PMS2: variants seen among roughly 807,000 people sequenced by gnomAD.
The protein encoded by PMS2 is PMS1 homolog 2, mismatch repair system component.
Under a neutral mutation model 90.0 loss-of-function variants are expected in PMS2, and 69 were observed. The ratio of observed to expected loss-of-function variants is 0.77; its 90% CI spans 0.63 to 0.94. The LOEUF is 0.94. PMS2 is among the 40% of genes least tolerant of loss of function. The pLI, the probability that PMS2 is intolerant of heterozygous loss-of-function variation, is 0.00. For missense variants in PMS2, 966 were observed against 1,040.2 expected (o/e 0.93, Z 0.98); for synonymous variants, 332 against 375.1 (o/e 0.89, Z 1.33).
chr7:5,976,099 T>C lies in PMS2; in HGVS notation c.2445+1489A>G, dbSNP rs1329252413. 1.4e-5 allele frequency among the ~76,000 whole-genome samples: 2 copies of C among 142,794 alleles called. 1 individual carries two copies. Among genetic ancestry groups the C allele is most frequent in the East Asian group, 5.8e-4 (2 of 3,454 alleles). 93.7% of individuals were successfully genotyped at this position (142,794 alleles called of 152,430 possible). A position where few individuals can be genotyped will look rare whatever the true frequency, so the allele number is the denominator to read the frequency against. On this transcript the variant is annotated intron_variant, in intron 14 of 14. Transcript: ENST00000265849. ...ATTAAAAATATAAAAATTAGCCAGG[T>C]GTGGTGGGTGCCTGTAGTCCCAGCT...
intron 11 of PMS2, among the ~76,000 whole-genome samples, chr7:5,984,412 T>A (rs1196913468): frequency 1.3e-5 from 2 of 151,626 alleles, no homozygotes. Context: ...CCGGTGAAAA[T>A]GGATTTTCCG....
At chr7:5,988,408 A>T (rs1419133690) in intron 10 of PMS2, among the ~76,000 whole-genome samples, 1 of 152,088 alleles carries the variant, frequency 6.6e-6, no homozygotes, top group Non-Finnish European at 1.5e-5. Context: ...CAAAAAAAAA[A>T]TTAGCAGGGC....
At chr7:6,001,147 C>A (rs191263300) in intron 5 of PMS2, among the ~76,000 whole-genome samples, 1 of 152,214 alleles carries the variant, frequency 6.6e-6, no homozygotes, top group East Asian at 1.9e-4. Context: ...GATCTCACAT[C>A]CAAGGATAAC....
intron 9 of PMS2, among the ~76,000 whole-genome samples, chr7:5,991,583 T>G (rs889227979): frequency 2.0e-5 from 3 of 150,978 alleles, no homozygotes; most frequent in Non-Finnish European, 4.4e-5. Flanking sequence ...CTCATGCCTG[T>G]AATCCCAGCA....
intron 10 of PMS2, among the ~76,000 whole-genome samples, chr7:5,988,539 G>A (rs1783340685): frequency 6.6e-6 from 1 of 152,112 alleles, no homozygotes; most frequent in South Asian, 2.1e-4. Context: ...CTCCAGCCTG[G>A]GCGACAGAGT....
At chr7:6,008,911 C>A in intron 1 of PMS2, 86 bp downstream of exon 1, 1 of 1,510,884 alleles carries the variant, frequency 6.6e-7, no homozygotes, top group Admixed American at 1.7e-5. Context: ...GGCCATGTTC[C>A]CCCCATTTCC....
chr7:5,995,931 G>C (rs1370205244), intron 7 of PMS2, among the ~76,000 whole-genome samples: 1 of 152,142 alleles, frequency 6.6e-6, no homozygotes, highest in African/African-American at 2.4e-5. Flanking sequence ...CTCAGCCTCT[G>C]TAAGTGGGTC....
At chr7:6,007,993 A>AGGATTACAGGCTCCCGCCATCATGCCC (rs1786044660) in intron 1 of PMS2, among the ~76,000 whole-genome samples, 1 of 151,576 alleles carries the variant, frequency 6.6e-6, no homozygotes, top group Admixed American at 6.6e-5. Flanking sequence ...CAAAGTAGCT[A>AGGATTACAGGCTCCCGCCATCATGCCC]GGATTACAGG....
chr7:5,998,250 T>G (rs1239780548), intron 6 of PMS2, among the ~76,000 whole-genome samples: 6 of 151,238 alleles, frequency 4.0e-5, no homozygotes, highest in African/African-American at 1.5e-4. Context: ...AACAGATAAT[T>G]TTTGTATTTT....
chr7:5,996,222 T>C (rs1181606263), intron 7 of PMS2, among the ~76,000 whole-genome samples: 1 of 151,926 alleles, frequency 6.6e-6, no homozygotes, highest in Non-Finnish European at 1.5e-5. Context: ...GAGTAAGAAA[T>C]ATAGATCTCA....
At chr7:5,997,445 T>A in intron 6 of PMS2, 22 bp from the exon 7 acceptor site, 1 of 1,147,814 alleles carries the variant, frequency 8.7e-7, no homozygotes, top group Non-Finnish European at 1.3e-6. Context: ...AAAAAAAAAT[T>A]CACAGTTACT....
rs587780042 is a variant in PMS2 at position 6,005,928 on chromosome 7, C to G, written c.127G>C (p.Val43Leu). 1.2e-6 allele frequency: 2 copies of G among 1,610,884 alleles called. No individual in the cohort carries two copies. The highest frequency in any genetic ancestry group is 1.3e-5 in the African/African-American group (1 of 74,982). The stretch of plus-strand genomic sequence containing the variant: ...GCACCAGCATCCAGACTGTTTTCTA[C>G]TAACTCCTTTACCGCAGTGCTTAGA... Reference protein sequence around the residue: ...LSLSTAVKELVENSLDAGATN... With the variant: ...LSLSTAVKELLENSLDAGATN... The change falls in exon 2 of 15, where the codon GTA (valine) becomes CTA (leucine). Residue 43 changes from valine (V) to leucine (L), a missense_variant. This residue lies in a region of PMS2 where 871 missense variants were observed against 802.4 expected (regional missense o/e 1.09). Coordinates refer to ENST00000265849, the MANE Select transcript of PMS2 (RefSeq NM_000535.7).
At chr7:5,999,583 G>C (rs987173755) in intron 5 of PMS2, among the ~76,000 whole-genome samples, 1 of 151,986 alleles carries the variant, frequency 6.6e-6, no homozygotes, top group Admixed American at 6.6e-5. Flanking sequence ...TTGAGACCAG[G>C]AGTTCAAGAC....
In PMS2 at chr7:5,995,614, G is replaced by C. The variant is rs587780062; in HGVS notation, c.823C>G (p.Gln275Glu). 44 of 1,612,770 alleles carry C rather than the reference G, an allele frequency of 2.7e-5. No homozygotes were observed. The highest frequency in any genetic ancestry group is 2.2e-5 in the East Asian group (1 of 44,896). ...NLFYISGFIS[Q>E]CTHGVGRSST... The stretch of plus-strand genomic sequence containing the variant: ...CTCCTTCCAACTCCATGCGTGCATT[G>C]TGAAATGAAACCTGAGATGCTATTC... The change falls in exon 8 of 15, where the codon CAA becomes GAA. Residue 275 changes from glutamine (Q) to glutamate (E), a missense_variant. Physicochemically the swap from Gln to Glu is conservative, Grantham distance 29. This residue lies in a region of PMS2 where 871 missense variants were observed against 802.4 expected (regional missense o/e 1.09). Coordinates refer to ENST00000265849, the MANE Select transcript of PMS2 (RefSeq NM_000535.7).
chr7:6,008,865 C>G (rs1786216393), intron 1 of PMS2, 132 bp downstream of exon 1: 1 of 1,140,594 alleles, frequency 8.8e-7, no homozygotes, highest in Non-Finnish European at 1.3e-6. Flanking sequence ...GGTCGCCACT[C>G]CGGGGCCTCC....
rs1554303922 is a variant in PMS2, at chr7:6,002,511, T to C, written c.479A>G (p.Gln160Arg). The C allele has an allele frequency of 5.0e-6, 8 of 1,611,720 alleles. No individual in the cohort carries two copies. Among genetic ancestry groups the C allele is most frequent in the Admixed American group, 1.7e-5 (1 of 59,996 alleles). The change falls in exon 5 of 15, where the codon CAG (glutamine) becomes CGG (arginine). Residue 160 changes from glutamine to arginine, a missense_variant. By Grantham distance (43) the Gln-to-Arg change is conservative. Transcript: ENST00000265849. The stretch of plus-strand genomic sequence containing the variant: ...CACAGGTAGTGTGGAAAATAACTGC[T>C]GCACGCTGACTGTGGTCCCTCTGGG... Reference protein sequence around the residue: ...PRPRGTTVSVQQLFSTLPVRH... With the variant: ...PRPRGTTVSVRQLFSTLPVRH...
In PMS2 at chr7:5,997,434, A is replaced by C. The variant is rs1185117521; in HGVS notation, c.706-11T>G. The C allele has an allele frequency of 6.6e-7, 1 of 1,508,150 alleles. No homozygotes were observed. The highest frequency in any genetic ancestry group is 1.4e-5 in the African/African-American group (1 of 72,472). 93.4% of individuals were successfully genotyped at this position (1,508,150 alleles called of 1,614,324 possible). On this transcript the variant is annotated splice_polypyrimidine_tract_variant and intron_variant, in intron 6 of 14. Coordinates refer to ENST00000265849, the MANE Select transcript of PMS2 (RefSeq NM_000535.7). ...AATGAGGCTTTGCAACTGAAAAAAA[A>C]AAAAAAAAATTCACAGTTACTTCCT...
intron 8 of PMS2, among the ~76,000 whole-genome samples, chr7:5,994,945 A>G (rs1008979892): frequency 3.3e-5 from 5 of 152,200 alleles, no homozygotes; most frequent in Admixed American, 3.3e-4. Context: ...TTTATTGAAT[A>G]CTATACCGAA....
rs540326025 is a variant in PMS2, at chr7:5,992,349, C to T, written c.904-292G>A. Among the ~76,000 whole-genome samples, 5 of 149,418 alleles carry T rather than the reference C, an allele frequency of 3.3e-5. No homozygotes were observed. The East Asian group carries it at 7.9e-4, about 23-fold the overall frequency. On this transcript the variant is annotated intron_variant, in intron 8 of 14. Coordinates refer to ENST00000265849, the MANE Select transcript of PMS2 (RefSeq NM_000535.7). ...TTCTTTTTTTTTTTCAACGGAGTCT[C>T]GCTCTTGTTACCCAGACTGGAGTGT...
Sources: allele counts gnomAD v4.1 joint callset (sites outside exome capture counted in the v4.1 genomes callset), GRCh38; gene constraint gnomAD v4.1.1; regional missense constraint gnomAD v4.1.1; transcripts MANE v1.5; gene names NCBI Gene and HGNC (gene_info 2026-07-23, HGNC 2026-07-21).